SAMD4A: variants seen among roughly 807,000 people sequenced by gnomAD.
SAMD4A encodes the protein sterile alpha motif domain containing 4A.
A neutral mutation model predicts 81.3 loss-of-function variants in SAMD4A; 33 were observed. The observed-to-expected ratio is 0.41, with a 90% CI of 0.31 to 0.54. The LOEUF is 0.54. Ranked by LOEUF, SAMD4A falls within the 20% of genes least tolerant of loss-of-function variation. SAMD4A has a pLI of 0.37. For synonymous variants in SAMD4A, 389 were observed against 382.1 expected (o/e 1.02, Z -0.21); for missense variants, 854 against 951.1 (o/e 0.90, Z 1.34).
intron 6 of SAMD4A, among the ~76,000 whole-genome samples, chr14:54,755,417 T>C (rs1179908672): frequency 6.6e-6 from 1 of 152,112 alleles, no homozygotes; most frequent in East Asian, 1.9e-4. Flanking sequence ...GTGTAACTGA[T>C]AATAGGTACT....
rs184097143 is a variant in SAMD4A at position 54,789,105 on chromosome 14, C to T, written c.*161C>T. 60 of 735,764 alleles carry T rather than the reference C, an allele frequency of 8.2e-5. No individual in the cohort carries two copies. In the African/African-American group the frequency reaches 9.4e-4, roughly 12 times the overall value. The allele number at this position is 735,764 out of a possible 1,614,324, so 45.6% of individuals were successfully genotyped here. ...ATTTTGTGAGAGCGTAGGTCATCCT[C>T]GTAAACATATCAGTAGACCTGGGGT... On this transcript the variant is annotated 3_prime_UTR_variant, in exon 13 of 13. Coordinates refer to ENST00000554335, the MANE Select transcript of SAMD4A (RefSeq NM_015589.6).
chr14:54,734,830 G>A (rs1421837031), intron 3 of SAMD4A: 1 of 152,232 alleles, frequency 6.6e-6, no homozygotes, highest in Non-Finnish European at 1.5e-5. Context: ...CCCGTGGTTA[G>A]CGATTAGTTA....
intron 2 of SAMD4A, among the ~76,000 whole-genome samples, chr14:54,622,442 G>A (rs1054999647): frequency 3.9e-5 from 6 of 152,220 alleles, no homozygotes; most frequent in Non-Finnish European, 8.8e-5. Flanking sequence ...ACATAAAGTT[G>A]TGCTTTGTGT....
intron 2 of SAMD4A, among the ~76,000 whole-genome samples, chr14:54,682,956 T>A (rs2036164334): frequency 6.6e-6 from 1 of 152,158 alleles, no homozygotes; most frequent in Admixed American, 6.5e-5. Flanking sequence ...TATTGTCCTC[T>A]CCCATTGCTG....
Position 54,567,668 on chromosome 14 carries a change from TA to T in SAMD4A, c.-246del. The T allele has an allele frequency of 2.1e-6, 1 of 476,770 alleles. No homozygotes were observed. Among genetic ancestry groups the T allele is most frequent in the Non-Finnish European group, 3.7e-6 (1 of 272,576 alleles). 29.5% of individuals were successfully genotyped at this position (476,770 alleles called of 1,614,324 possible). On this transcript the variant is annotated 5_prime_UTR_variant, in exon 2 of 13. Coordinates refer to ENST00000554335, the MANE Select transcript of SAMD4A (RefSeq NM_015589.6). ...ATTTTTAAAAAGTCGTTTTTTTTTT[TA>T]AAGAAACATTTCCGTGCTACTGTCT...
At chr14:54,724,287 A>G (rs1053082981) in intron 3 of SAMD4A, among the ~76,000 whole-genome samples, 37 of 152,310 alleles carry the variant, frequency 2.4e-4, no homozygotes, top group Non-Finnish European at 2.2e-4. Flanking sequence ...ACAGGCTTGC[A>G]AGTGAGAGAA....
At chr14:54,746,350 A>C (rs1037021085) in intron 4 of SAMD4A, among the ~76,000 whole-genome samples, 4 of 152,220 alleles carry the variant, frequency 2.6e-5, no homozygotes, top group African/African-American at 9.6e-5. Context: ...ACACAGGGCC[A>C]AAAGGAGCTT....
chr14:54,595,419 TTATA>T (rs955641809), intron 2 of SAMD4A, among the ~76,000 whole-genome samples: 3 of 148,218 alleles, frequency 2.0e-5, no homozygotes, highest in African/African-American at 7.3e-5. Flanking sequence ...ATGTGTTTAT[TTATA>T]TATATATTAT....
chr14:54,652,641 A>C (rs564700120), intron 2 of SAMD4A: 1 of 151,762 alleles, frequency 6.6e-6, no homozygotes, highest in South Asian at 2.1e-4. Context: ...AGCCTCACCC[A>C]GAATCTTTTT....
At chr14:54,581,597 G>T (rs1539116) in intron 2 of SAMD4A, among the ~76,000 whole-genome samples, 11,265 of 152,292 alleles carry the variant, frequency 0.074, 547 homozygotes, top group Middle Eastern at 0.14. Context: ...CCATGCTAAA[G>T]AATTTCTTTT....
At chr14:54,575,485 C>T (rs901734083) in intron 2 of SAMD4A, among the ~76,000 whole-genome samples, 2 of 152,164 alleles carry the variant, frequency 1.3e-5, no homozygotes, top group African/African-American at 4.8e-5. Flanking sequence ...CAGAGCAAAG[C>T]AAATCTTTCT....
chr14:54,730,639 T>A (rs2037539568), intron 3 of SAMD4A, among the ~76,000 whole-genome samples: 1 of 152,212 alleles, frequency 6.6e-6, no homozygotes, highest in Admixed American at 6.5e-5. Context: ...TCAGATTGGC[T>A]TTTAATCTAT....
At position 54,649,983 on chromosome 14, in the gene SAMD4A, A is replaced by G. The variant is rs527642353; in HGVS notation, c.197-52079A>G. ...GAATGTTTACTTTTAAAAAAACAAG[A>G]TTTTCTGTTATTGTTACTGACTTAT... On this transcript the variant is annotated intron_variant, in intron 2 of 12. Coordinates refer to ENST00000554335, the MANE Select transcript of SAMD4A (RefSeq NM_015589.6). Among the ~76,000 whole-genome samples the G allele has an allele frequency of 2.6e-5, 4 of 152,252 alleles. No homozygotes were observed. The South Asian group carries it at 6.2e-4, about 24-fold the overall frequency.
intron 2 of SAMD4A, among the ~76,000 whole-genome samples, chr14:54,680,790 G>A (rs1452127180): frequency 6.6e-6 from 1 of 152,178 alleles, no homozygotes; most frequent in African/African-American, 2.4e-5. Context: ...AGAGGACACT[G>A]CCAGTAAGAG....
intron 2 of SAMD4A, among the ~76,000 whole-genome samples, chr14:54,641,634 C>T (rs992358095): frequency 3.9e-5 from 6 of 152,180 alleles, no homozygotes; most frequent in Non-Finnish European, 8.8e-5. Context: ...ACATATTTTG[C>T]TTAAGACAAC....
At chr14:54,639,260 G>T (rs965437492) in intron 2 of SAMD4A, among the ~76,000 whole-genome samples, 1 of 152,180 alleles carries the variant, frequency 6.6e-6, no homozygotes, top group Non-Finnish European at 1.5e-5. Flanking sequence ...CGAAATAACC[G>T]GCAGCTGTTA....
chr14:54,607,129 A>G (rs1210019960), intron 2 of SAMD4A, among the ~76,000 whole-genome samples: 1 of 152,210 alleles, frequency 6.6e-6, no homozygotes, highest in Non-Finnish European at 1.5e-5. Context: ...GAAATAGGGA[A>G]TACAGCTGAG....
In SAMD4A at chr14:54,791,697, C is replaced by T. The variant is rs1446041121; in HGVS notation, c.*2753C>T. 1 of 151,512 alleles carries T rather than the reference C, an allele frequency of 6.6e-6. No individual in the cohort carries two copies. The highest frequency in any genetic ancestry group is 1.5e-5 in the Non-Finnish European group (1 of 67,920). 9.4% of individuals were successfully genotyped at this position (151,512 alleles called of 1,614,324 possible). On this transcript the variant is annotated 3_prime_UTR_variant, in exon 13 of 13. Transcript: ENST00000554335. ...TTGAGTGTTTGATAAATTTTAAGAC[C>T]CTGTCCCCACCTTGTTTTGAGTCCT...
chr14:54,683,806 T>C lies in SAMD4A; in HGVS notation c.197-18256T>C, dbSNP rs571904518. Among the ~76,000 whole-genome samples the C allele has an allele frequency of 9.5e-4, 144 of 152,300 alleles. 1 individual carries two copies. Among genetic ancestry groups the C allele is most frequent in the African/African-American group, 3.4e-3 (141 of 41,558 alleles). ...GAAGAACAGGAGGCACGTCTCCAGA[T>C]AGATCCAGGTGGGCACAGTCTTAGT... On this transcript the variant is annotated intron_variant, in intron 2 of 12. Coordinates refer to ENST00000554335, the MANE Select transcript of SAMD4A (RefSeq NM_015589.6).
Sources: gnomAD v4.1 joint callset for allele counts (sites outside exome capture counted in the v4.1 genomes callset) on GRCh38, gnomAD v4.1.1 for gene constraint, MANE v1.5 for transcripts, NCBI Gene and HGNC (gene_info 2026-07-23, HGNC 2026-07-21) for gene names.